CDH13: variants seen among roughly 807,000 people sequenced by gnomAD.
CDH13 encodes cadherin 13.
A neutral mutation model predicts 63.8 loss-of-function variants in CDH13; 24 were observed. That is an observed-to-expected ratio of 0.38 (90% CI 0.27 to 0.53). The LOEUF is 0.53. CDH13 is among the 20% of genes least tolerant of loss of function. CDH13 has a pLI of 0.85. For synonymous variants in CDH13, 503 were observed against 355.3 expected, an observed-to-expected ratio of 1.42 and a Z score of -4.67; for missense variants, 1,049 against 903.1, an observed-to-expected ratio of 1.16 and a Z score of -2.07.
At chr16:83,359,348 CA>C (rs1357328698) in intron 6 of CDH13, among the ~76,000 whole-genome samples, 1 of 152,144 alleles carries the variant, frequency 6.6e-6, no homozygotes, top group Non-Finnish European at 1.5e-5. Flanking sequence ...GTTCTGTGAG[CA>C]AGTAGATATC....
chr16:83,682,213 G>T (rs1462947218), intron 10 of CDH13, among the ~76,000 whole-genome samples: 3 of 152,188 alleles, frequency 2.0e-5, no homozygotes, highest in Non-Finnish European at 4.4e-5. Context: ...TGAGAGAGAT[G>T]ATTCCGGGCA....
chr16:82,800,685 G>A (rs2036807383), intron 1 of CDH13, among the ~76,000 whole-genome samples: 1 of 152,092 alleles, frequency 6.6e-6, no homozygotes, highest in Non-Finnish European at 1.5e-5. Flanking sequence ...CTTGTCCTTG[G>A]TCATGCCATT....
intron 5 of CDH13, among the ~76,000 whole-genome samples, chr16:83,228,161 A>T (rs1399572356): frequency 6.6e-6 from 1 of 152,160 alleles, no homozygotes. Context: ...TTTCTCAACC[A>T]TGGATGCTTC....
chr16:83,389,235 A>G lies in CDH13; in HGVS notation c.781+44229A>G, dbSNP rs569388560. The stretch of plus-strand genomic sequence containing the variant: ...AGAATTTTAAAAAGTCAGATATGCA[A>G]AATATAAAACTATAAAATTGCCATA... On this transcript the variant is annotated intron_variant, in intron 6 of 13. Coordinates refer to ENST00000567109, the MANE Select transcript of CDH13 (RefSeq NM_001257.5). Among the ~76,000 whole-genome samples the G allele has an allele frequency of 4.6e-5, 7 of 152,380 alleles. No individual in the cohort carries two copies. In the South Asian group the frequency reaches 1.4e-3, roughly 32 times the overall value.
At chr16:82,761,283 G>A (rs1212310906) in intron 1 of CDH13, among the ~76,000 whole-genome samples, 1 of 151,930 alleles carries the variant, frequency 6.6e-6, no homozygotes, top group Non-Finnish European at 1.5e-5. Flanking sequence ...CTCCCAAAGT[G>A]CTGGGATTAC....
At chr16:83,314,756 C>T (rs553772935) in intron 5 of CDH13, among the ~76,000 whole-genome samples, 2 of 152,268 alleles carry the variant, frequency 1.3e-5, no homozygotes, top group South Asian at 4.1e-4. Flanking sequence ...CTGTAGTTTT[C>T]TCTTTACATG....
chr16:83,391,972 A>C (rs558076753), intron 6 of CDH13, among the ~76,000 whole-genome samples: 1 of 152,274 alleles, frequency 6.6e-6, no homozygotes, highest in East Asian at 1.9e-4. Flanking sequence ...TTCGAAATGT[A>C]TGTGGGGCAA....
chr16:83,564,992 T>A (rs1365691399), intron 7 of CDH13, among the ~76,000 whole-genome samples: 1 of 152,186 alleles, frequency 6.6e-6, no homozygotes, highest in South Asian at 2.1e-4. Flanking sequence ...ACAAATGAAA[T>A]ACCAAACAGG....
intron 4 of CDH13, chr16:83,171,567 G>C: frequency 6.5e-7 from 1 of 1,533,518 alleles, no homozygotes. Flanking sequence ...GCTGACATGA[G>C]ATAAGTGCAC....
chr16:83,529,267 C>T (rs1258527093), intron 7 of CDH13, among the ~76,000 whole-genome samples: 1 of 152,002 alleles, frequency 6.6e-6, no homozygotes, highest in African/African-American at 2.4e-5. Context: ...AGTGTACAAG[C>T]TAATTGGATG....
intron 4 of CDH13, among the ~76,000 whole-genome samples, chr16:83,135,978 G>A (rs764193972): frequency 5.3e-5 from 8 of 152,064 alleles, no homozygotes; most frequent in Non-Finnish European, 1.0e-4. Flanking sequence ...CTATGAGGAC[G>A]CAAAAGCATA....
chr16:82,997,980 A>G (rs1043233014), intron 2 of CDH13, among the ~76,000 whole-genome samples: 2 of 152,314 alleles, frequency 1.3e-5, no homozygotes, highest in Admixed American at 6.5e-5. Flanking sequence ...GAAACTCTGT[A>G]TAGAAGATAT....
At chr16:83,566,046 C>G (rs1407580396) in intron 7 of CDH13, among the ~76,000 whole-genome samples, 1 of 152,176 alleles carries the variant, frequency 6.6e-6, no homozygotes, top group East Asian at 1.9e-4. Context: ...CTTTGCAAGG[C>G]TACAGAACTG....
intron 6 of CDH13, among the ~76,000 whole-genome samples, chr16:83,430,983 A>G (rs1251510939): frequency 2.3e-5 from 2 of 88,726 alleles, no homozygotes; most frequent in East Asian, 3.9e-4. Flanking sequence ...CCACCTCACA[A>G]CAGTCCCCAA....
chr16:82,674,372 T>G (rs1913649916), intron 1 of CDH13, among the ~76,000 whole-genome samples: 1 of 152,196 alleles, frequency 6.6e-6, no homozygotes, highest in Non-Finnish European at 1.5e-5. Flanking sequence ...GTTTTCATCT[T>G]TGATTTGAGG....
intron 4 of CDH13, among the ~76,000 whole-genome samples, chr16:83,149,256 C>T (rs901439554): frequency 1.3e-5 from 2 of 152,142 alleles, no homozygotes; most frequent in African/African-American, 4.8e-5. Flanking sequence ...AGACTTTCTC[C>T]CTGCTCTAAG....
At chr16:83,570,158 G>C (rs972536395) in intron 7 of CDH13, among the ~76,000 whole-genome samples, 5 of 152,138 alleles carry the variant, frequency 3.3e-5, no homozygotes, top group Non-Finnish European at 5.9e-5. Flanking sequence ...AGAAAGCAAA[G>C]CAAAGGAACC....
chr16:83,221,705 C>T (rs1037732825), intron 5 of CDH13, among the ~76,000 whole-genome samples: 2 of 151,880 alleles, frequency 1.3e-5, no homozygotes, highest in African/African-American at 4.8e-5. Context: ...CAGGGCAAAA[C>T]AGGAAGCATG....
chr16:83,622,386 A>T (rs1380154573), intron 8 of CDH13, among the ~76,000 whole-genome samples: 1 of 152,226 alleles, frequency 6.6e-6, no homozygotes, highest in South Asian at 2.1e-4. Context: ...GAGAGAAATC[A>T]GGCCCCCAAA....
Sources: allele counts gnomAD v4.1 joint callset (sites outside exome capture counted in the v4.1 genomes callset), GRCh38; gene constraint gnomAD v4.1.1; transcripts MANE v1.5; gene names NCBI Gene and HGNC (gene_info 2026-07-23, HGNC 2026-07-21).